EGF: variants seen among roughly 807,000 people sequenced by gnomAD.
The protein encoded by EGF is pro-epidermal growth factor.
In EGF, 95 loss-of-function variants were observed where a neutral mutation model predicts 143.8. The ratio of observed to expected loss-of-function variants is 0.66; its 90% confidence interval spans 0.56 to 0.78. The LOEUF is 0.78. EGF is among the 30% of genes least tolerant of loss of function. The pLI is 0.00. For missense variants in EGF, 1,320 were observed against 1,470.9 expected (o/e 0.90, Z 1.68); for synonymous variants, 510 against 510.5 (o/e 1.00, Z 0.01).
At chr4:109,951,186 T>C (rs1489640759) in intron 5 of EGF, among the ~76,000 whole-genome samples, 1 of 150,328 alleles carries the variant, frequency 6.7e-6, no homozygotes, top group East Asian at 1.9e-4. Context: ...TAAAATAAAA[T>C]AAAATAAAAT....
At chr4:109,949,444 A>T (rs905748884) in intron 5 of EGF, among the ~76,000 whole-genome samples, 5 of 152,114 alleles carry the variant, frequency 3.3e-5, no homozygotes, top group African/African-American at 9.7e-5. Context: ...TTTAGAGATG[A>T]TGTGTTCAAT....
chr4:110,005,581 A>C (rs1053394445), intron 22 of EGF, among the ~76,000 whole-genome samples: 1 of 152,208 alleles, frequency 6.6e-6, no homozygotes, highest in Non-Finnish European at 1.5e-5. Flanking sequence ...TCCGAAAAGC[A>C]CAGAGGTTTG....
intron 1 of EGF, among the ~76,000 whole-genome samples, chr4:109,915,142 A>G (rs1736396744): frequency 6.6e-6 from 1 of 152,226 alleles, no homozygotes; most frequent in African/African-American, 2.4e-5. Flanking sequence ...GTACCCAATA[A>G]ACATGAAACC....
Position 109,944,085 on chromosome 4 carries a change from G to C in EGF, c.737+16G>C. 2 of 1,609,484 alleles carry C rather than the reference G, an allele frequency of 1.2e-6. No individual in the cohort carries two copies. Among genetic ancestry groups the C allele is most frequent in the Non-Finnish European group, 1.7e-6 (2 of 1,176,516 alleles). On this transcript the variant is annotated intron_variant, in intron 4 of 23. Coordinates refer to ENST00000265171, the MANE Select transcript of EGF (RefSeq NM_001963.6). ...ATCCAACACAGTAAGTTTTACTCTT[G>C]GTATAAAATAAAACAATTGTCATTT...
At chr4:109,930,350 T>C (rs1260162344) in intron 1 of EGF, among the ~76,000 whole-genome samples, 1 of 152,164 alleles carries the variant, frequency 6.6e-6, no homozygotes. Flanking sequence ...TGGGGAGTAG[T>C]AATAAATGAC....
intron 19 of EGF, among the ~76,000 whole-genome samples, chr4:109,993,677 T>C (rs771999763): frequency 6.6e-6 from 1 of 151,676 alleles, no homozygotes; most frequent in Non-Finnish European, 1.5e-5. Context: ...GGCTGCTGGA[T>C]AAGTTTTGCA....
chr4:109,926,348 G>A (rs1241929493), intron 1 of EGF, among the ~76,000 whole-genome samples: 4 of 141,672 alleles, frequency 2.8e-5, no homozygotes, highest in Non-Finnish European at 4.5e-5. Flanking sequence ...GTGAGACACT[G>A]TCTTTTTTTT....
At chr4:109,919,321 CTCTCTCTCTCTCTCTCTCTCA>C (rs1737326697) in intron 1 of EGF, among the ~76,000 whole-genome samples, 1 of 114,016 alleles carries the variant, frequency 8.8e-6, no homozygotes, top group Non-Finnish European at 1.7e-5. Context: ...CTCTCTCTCT[CTCTCTCTCTCTCTCTCTCTCA>C]TCTCTCTCTC....
At chr4:109,926,756 G>C (rs933117922) in intron 1 of EGF, among the ~76,000 whole-genome samples, 1 of 152,186 alleles carries the variant, frequency 6.6e-6, no homozygotes, top group Non-Finnish European at 1.5e-5. Flanking sequence ...TCAGTAGTAT[G>C]CTACCCAAAA....
intron 1 of EGF, among the ~76,000 whole-genome samples, chr4:109,921,167 T>C (rs1737724047): frequency 6.6e-6 from 1 of 151,624 alleles, no homozygotes; most frequent in East Asian, 1.9e-4. Flanking sequence ...ATAATGCTTG[T>C]CAATATGTCT....
At chr4:109,989,640 G>T (rs988781529) in intron 18 of EGF, among the ~76,000 whole-genome samples, 2 of 152,114 alleles carry the variant, frequency 1.3e-5, no homozygotes, top group African/African-American at 4.8e-5. Flanking sequence ...CACATATTTG[G>T]CTGTCAGTCA....
intron 11 of EGF, among the ~76,000 whole-genome samples, chr4:109,972,502 G>A (rs1032876839): frequency 2.6e-5 from 4 of 152,098 alleles, no homozygotes; most frequent in Non-Finnish European, 5.9e-5. Context: ...CTGGTCACAA[G>A]CAAGTGGCCT....
chr4:109,972,798 T>G (rs1366273432), intron 11 of EGF, among the ~76,000 whole-genome samples: 1 of 152,152 alleles, frequency 6.6e-6, no homozygotes, highest in African/African-American at 2.4e-5. Flanking sequence ...AATAAGGCCC[T>G]GTGCATAGAG....
chr4:109,980,216 T>G (rs2126115585), intron 14 of EGF, 77 bp downstream of exon 14: 26 of 1,399,496 alleles, frequency 1.9e-5, no homozygotes, highest in East Asian at 1.0e-4. Context: ...GTCATGCAGT[T>G]GGCGGGGGGG....
Position 109,980,918 on chromosome 4 carries a change from A to G in EGF, c.2314A>G (p.Met772Val), listed in dbSNP as rs759576285. ...TAWCSCREGFMKASDGKTCLA... is the reference protein window; with the variant it reads ...TAWCSCREGFVKASDGKTCLA... Reference sequence around the variant, plus strand: ...TTGGTGTTCGTGTCGTGAAGGTTTTATGAAAGCCTCAGATGGGAAAACGTG... The same window carrying G: ...TTGGTGTTCGTGTCGTGAAGGTTTTGTGAAAGCCTCAGATGGGAAAACGTG... The change falls in exon 15 of 24, where the codon ATG becomes GTG. Residue 772 changes from methionine (M) to valine (V), a missense_variant. Coordinates refer to ENST00000265171, the MANE Select transcript of EGF (RefSeq NM_001963.6). The G allele has an allele frequency of 2.9e-5, 47 of 1,614,152 alleles. No individual in the cohort carries two copies. The highest frequency in any genetic ancestry group is 1.6e-4 in the Middle Eastern group (1 of 6,062).
At chr4:109,952,188 T>C (rs1003338443) in intron 5 of EGF, among the ~76,000 whole-genome samples, 3 of 152,226 alleles carry the variant, frequency 2.0e-5, no homozygotes, top group Non-Finnish European at 2.9e-5. Context: ...AAGTTCAACT[T>C]CTGGGGATTT....
rs780915535 is a variant in EGF, at chr4:109,993,235, CTT to C, written c.2735-9_2735-8del. 6.2e-7 allele frequency: 1 copy of C among 1,613,492 alleles called. No homozygotes were observed. On this transcript the variant is annotated splice_polypyrimidine_tract_variant and intron_variant, in intron 18 of 23. Coordinates refer to ENST00000265171, the MANE Select transcript of EGF (RefSeq NM_001963.6). ...CCCACTTTTCTCTCCCGTACTCTGT[CTT>C]TTCTGACAGATATTGATGAGTGCCA...
At position 109,969,446 on chromosome 4, in the gene EGF, C is replaced by T. The variant is rs368579609; in HGVS notation, c.1724+327C>T. Among the ~76,000 whole-genome samples, 7 of 152,008 alleles carry T rather than the reference C, an allele frequency of 4.6e-5. No homozygotes were observed. In the East Asian group the frequency reaches 9.7e-4, roughly 21 times the overall value. ...GGGAGGGGAACATCACACACTGGGGCCTTTTGGAGGGTGGGTGGCAAGGGG... is the reference window on the plus strand; with the variant it reads ...GGGAGGGGAACATCACACACTGGGGTCTTTTGGAGGGTGGGTGGCAAGGGG... On this transcript the variant is annotated intron_variant, in intron 11 of 23. Coordinates refer to ENST00000265171, the MANE Select transcript of EGF (RefSeq NM_001963.6).
chr4:109,988,379 C>A (rs1056650620), intron 17 of EGF, among the ~76,000 whole-genome samples: 2 of 152,084 alleles, frequency 1.3e-5, no homozygotes, highest in African/African-American at 4.8e-5. Context: ...TTTGCCTAAT[C>A]GGATAGGTGG....
Sources: allele counts gnomAD v4.1 joint callset (sites outside exome capture counted in the v4.1 genomes callset), GRCh38; gene constraint gnomAD v4.1.1; transcripts MANE v1.5; gene names NCBI Gene and HGNC (gene_info 2026-07-23, HGNC 2026-07-21).